The following PIP4K2A variants were observed in gnomAD, a reference collection of about 807,000 sequenced individuals.
The protein encoded by PIP4K2A is phosphatidylinositol-5-phosphate 4-kinase type 2 alpha.
In PIP4K2A, 14 loss-of-function variants were observed where a neutral mutation model predicts 42.9. That is an observed-to-expected ratio of 0.33 (90% CI 0.22 to 0.51). The LOEUF is 0.51. Ranked by LOEUF, PIP4K2A falls within the 20% of genes least tolerant of loss-of-function variation. The pLI is 0.97. For missense variants in PIP4K2A, 434 were observed against 519.8 expected (o/e 0.83, Z 1.61); for synonymous variants, 192 against 192.2 (o/e 1.00, Z 0.01).
intron 1 of PIP4K2A, among the ~76,000 whole-genome samples, chr10:22,664,142 C>CATATATATAT (rs1554807247): frequency 1.4e-4 from 4 of 27,958 alleles, no homozygotes; most frequent in Non-Finnish European, 2.2e-4. Context: ...TATATATATA[C>CATATATATAT]ATATATATAC....
intron 1 of PIP4K2A, among the ~76,000 whole-genome samples, chr10:22,612,327 C>T (rs140534960): frequency 6.4e-4 from 98 of 152,238 alleles, no homozygotes; most frequent in African/African-American, 2.2e-3. Context: ...CAATGGGCTA[C>T]GAGCAAGTAT....
chr10:22,676,219 A>G (rs1028759067), intron 1 of PIP4K2A, among the ~76,000 whole-genome samples: 1 of 152,148 alleles, frequency 6.6e-6, no homozygotes, highest in African/African-American at 2.4e-5. Flanking sequence ...CTTCTGCTCA[A>G]TAAGACCCTT....
intron 5 of PIP4K2A, 145 bp from the exon 6 acceptor site, chr10:22,568,034 C>A: frequency 2.7e-6 from 2 of 736,512 alleles, no homozygotes; most frequent in South Asian, 1.5e-5. Context: ...GGCTTCTCAT[C>A]CCTCCCTGAC....
At chr10:22,575,533 A>G (rs1344408767) in intron 4 of PIP4K2A, among the ~76,000 whole-genome samples, 1 of 152,236 alleles carries the variant, frequency 6.6e-6, no homozygotes, top group Non-Finnish European at 1.5e-5. Flanking sequence ...ATTATACAGC[A>G]AATCATTGAC....
At chr10:22,583,108 T>C (rs1214431964) in intron 4 of PIP4K2A, among the ~76,000 whole-genome samples, 1 of 152,202 alleles carries the variant, frequency 6.6e-6, no homozygotes, top group Non-Finnish European at 1.5e-5. Context: ...ATTCAATTTG[T>C]GACACACCAT....
chr10:22,541,608 C>T (rs917061556), intron 8 of PIP4K2A, among the ~76,000 whole-genome samples, 196 bp downstream of exon 8: 4 of 152,076 alleles, frequency 2.6e-5, no homozygotes, highest in Non-Finnish European at 5.9e-5. Flanking sequence ...TTCAAAGGTC[C>T]GATCGCCTTA....
intron 1 of PIP4K2A, among the ~76,000 whole-genome samples, chr10:22,679,284 C>T (rs76873115): frequency 0.12 from 18,337 of 152,130 alleles, 1,237 homozygotes; most frequent in Middle Eastern, 0.21. Flanking sequence ...CCAGAAGATA[C>T]AAAAATGGCC....
intron 4 of PIP4K2A, among the ~76,000 whole-genome samples, chr10:22,577,542 C>A (rs987429772): frequency 3.9e-5 from 6 of 152,234 alleles, no homozygotes; most frequent in Non-Finnish European, 8.8e-5. Flanking sequence ...GCGACAGATG[C>A]TGACACCATG....
At position 22,591,792 on chromosome 10, in the gene PIP4K2A, G is replaced by T. The variant is rs181745243; in HGVS notation, c.340-11C>A. The T allele has an allele frequency of 5.0e-6, 8 of 1,596,930 alleles. No individual in the cohort carries two copies. The Admixed American group carries it at 1.0e-4, about 21-fold the overall frequency. ...CCTGGTCAGGGAATTCTTCCCGGGT[G>T]GGGTAAGAGGGGAAGGAAGGCGGGG... On this transcript the variant is annotated splice_polypyrimidine_tract_variant and intron_variant, in intron 3 of 9. Coordinates refer to ENST00000376573, the MANE Select transcript of PIP4K2A (RefSeq NM_005028.5).
intron 1 of PIP4K2A, among the ~76,000 whole-genome samples, chr10:22,711,992 G>A (rs1389046060): frequency 1.3e-5 from 2 of 152,132 alleles, no homozygotes; most frequent in Non-Finnish European, 2.9e-5. Context: ...AAAAATATTA[G>A]AGGTGTTTTA....
chr10:22,680,417 C>A (rs117594479), intron 1 of PIP4K2A, among the ~76,000 whole-genome samples: 2,648 of 152,178 alleles, frequency 0.017, 39 homozygotes, highest in Middle Eastern at 0.031. Context: ...AATAAGCATG[C>A]ATTGTTTTTA....
intron 1 of PIP4K2A, among the ~76,000 whole-genome samples, chr10:22,668,498 T>TA (rs1227755242): frequency 6.6e-6 from 1 of 152,144 alleles, no homozygotes; most frequent in Non-Finnish European, 1.5e-5. Context: ...TCATACAAAA[T>TA]AAAAACCCTT....
intron 1 of PIP4K2A, among the ~76,000 whole-genome samples, chr10:22,610,753 C>T (rs535903703): frequency 2.0e-5 from 3 of 152,114 alleles, no homozygotes; most frequent in Admixed American, 6.5e-5. Flanking sequence ...TTGGGCCAAA[C>T]GAAAGCTGGG....
chr10:22,555,142 G>A (rs115216414), intron 6 of PIP4K2A, among the ~76,000 whole-genome samples: 2,387 of 152,236 alleles, frequency 0.016, 55 homozygotes, highest in African/African-American at 0.051. Context: ...AGTGATGCCC[G>A]ACCCCAGGTC....
At chr10:22,712,220 T>C (rs1833922428) in intron 1 of PIP4K2A, among the ~76,000 whole-genome samples, 1 of 152,224 alleles carries the variant, frequency 6.6e-6, no homozygotes, top group Non-Finnish European at 1.5e-5. Flanking sequence ...TATTTCCAAT[T>C]AGCAAGAAAC....
intron 6 of PIP4K2A, among the ~76,000 whole-genome samples, chr10:22,558,669 A>C (rs545081458): frequency 6.6e-6 from 1 of 152,364 alleles, no homozygotes; most frequent in African/African-American, 2.4e-5. Flanking sequence ...GGTCATTAAT[A>C]ACTTCTAATT....
At position 22,541,790 on chromosome 10, in the gene PIP4K2A, G is replaced by A. The variant is rs943192; in HGVS notation, c.1036+14C>T. 6.5e-7 allele frequency: 1 copy of A among 1,537,316 alleles called. No individual in the cohort carries two copies. Among genetic ancestry groups the A allele is most frequent in the East Asian group, 2.3e-5 (1 of 44,000 alleles). ...ACTTCACATGCAAAAAGGGTCCACA[G>A]TAATCAAACTTACTTTCATGGCACT... is the stretch of plus-strand genomic sequence containing the variant. On this transcript the variant is annotated intron_variant, in intron 8 of 9. Coordinates refer to ENST00000376573, the MANE Select transcript of PIP4K2A (RefSeq NM_005028.5).
rs1554791611 is a variant in PIP4K2A at position 22,536,725 on chromosome 10, A to AAAAAAAAAAAAAAAAAAAAAAAACAAAAC, written c.*475_*476insGTTTTGTTTTTTTTTTTTTTTTTTTTTTT. 1 of 124,102 alleles carries AAAAAAAAAAAAAAAAAAAAAAAACAAAAC rather than the reference A, an allele frequency of 8.1e-6. No homozygotes were observed. Among genetic ancestry groups the AAAAAAAAAAAAAAAAAAAAAAAACAAAAC allele is most frequent in the East Asian group, 3.0e-4 (1 of 3,380 alleles). 7.7% of individuals were successfully genotyped at this position (124,102 alleles called of 1,614,324 possible). A position where few individuals can be genotyped will look rare whatever the true frequency, so the allele number is the denominator to read the frequency against. Reference sequence around the variant, plus strand: ...ACATCTTTCAACTCCAAAAAAAAAAAAAAAAAAAAAAAACTGATCCACAGT... The same window carrying AAAAAAAAAAAAAAAAAAAAAAAACAAAAC: ...ACATCTTTCAACTCCAAAAAAAAAAAAAAAAAAAAAAAAAAAAAAAAAACAAAACAAAAAAAAAAAAACTGATCCACAGT... On this transcript the variant is annotated 3_prime_UTR_variant, in exon 10 of 10. Transcript: ENST00000376573.
intron 1 of PIP4K2A, among the ~76,000 whole-genome samples, chr10:22,674,431 A>G (rs1031037845): frequency 6.7e-6 from 1 of 149,584 alleles, no homozygotes; most frequent in Non-Finnish European, 1.5e-5. Context: ...AAAAAAAAAA[A>G]AAAAAAAGAA....
Sources: allele counts gnomAD v4.1 joint callset (sites outside exome capture counted in the v4.1 genomes callset), GRCh38; gene constraint gnomAD v4.1.1; transcripts MANE v1.5; gene names NCBI Gene and HGNC (gene_info 2026-07-23, HGNC 2026-07-21).